Variants in PTPRG observed in about 807,000 individuals in gnomAD.
The protein encoded by PTPRG is protein tyrosine phosphatase receptor type G.
In PTPRG, 102 loss-of-function variants were observed where a neutral mutation model predicts 165.3. The ratio of observed to expected loss-of-function variants is 0.62; its 90% CI spans 0.53 to 0.73. PTPRG has a LOEUF of 0.73. Among genes scored for constraint, PTPRG ranks in the 30% least tolerant of loss-of-function variants. The pLI, the probability that PTPRG is intolerant of heterozygous loss-of-function variation, is 0.00. For synonymous variants in PTPRG, 675 were observed against 669.5 expected (o/e 1.01, Z -0.13); for missense variants, 1,866 against 1,861.4 (o/e 1.00, Z -0.05).
At chr3:61,695,589 T>C (rs1242376670) in intron 1 of PTPRG, among the ~76,000 whole-genome samples, 1 of 152,236 alleles carries the variant, frequency 6.6e-6, no homozygotes, top group Non-Finnish European at 1.5e-5. Flanking sequence ...CTCGGCATTT[T>C]AGGAATTAAT....
At chr3:62,204,026 G>T (rs1559646868) in intron 12 of PTPRG, 76 bp downstream of exon 12, 6 of 1,495,678 alleles carry the variant, frequency 4.0e-6, no homozygotes, top group Non-Finnish European at 5.3e-6. Flanking sequence ...ATTGGGAGCA[G>T]AAGGTGAAGC....
intron 2 of PTPRG, among the ~76,000 whole-genome samples, chr3:61,967,948 G>A (rs1474019121): frequency 6.6e-6 from 1 of 152,174 alleles, no homozygotes; most frequent in African/African-American, 2.4e-5. Context: ...ATAATAGTAT[G>A]TGAGTAAGTT....
intron 4 of PTPRG, among the ~76,000 whole-genome samples, chr3:62,009,348 G>T (rs1218583656): frequency 1.3e-5 from 2 of 152,080 alleles, no homozygotes; most frequent in Non-Finnish European, 1.5e-5. Context: ...GCATTCTTAG[G>T]CAAAGTTCAG....
chr3:61,774,980 C>A (rs1444799200), intron 2 of PTPRG, among the ~76,000 whole-genome samples: 1 of 152,180 alleles, frequency 6.6e-6, no homozygotes, highest in African/African-American at 2.4e-5. Flanking sequence ...TTCCATACTT[C>A]TGAATTCCCA....
chr3:62,031,120 G>A (rs568700862), intron 4 of PTPRG, among the ~76,000 whole-genome samples: 3 of 152,264 alleles, frequency 2.0e-5, no homozygotes, highest in African/African-American at 4.8e-5. Context: ...GAACAAATAC[G>A]TAATCAACAA....
chr3:61,786,867 C>T (rs1364794857), intron 2 of PTPRG, among the ~76,000 whole-genome samples: 1 of 152,146 alleles, frequency 6.6e-6, no homozygotes, highest in Non-Finnish European at 1.5e-5. Flanking sequence ...AAGCCTTACG[C>T]ACCATAACTG....
chr3:62,078,724 C>T (rs569743327), intron 5 of PTPRG, among the ~76,000 whole-genome samples: 40 of 152,254 alleles, frequency 2.6e-4, no homozygotes, highest in South Asian at 1.9e-3. Context: ...TTGCAACTAT[C>T]TCTGTGTTGG....
Position 61,679,762 on chromosome 3 carries a change from C to T in PTPRG, c.86-69116C>T, listed in dbSNP as rs148009560. On this transcript the variant is annotated intron_variant, in intron 1 of 29. Transcript: ENST00000474889. ...TGCCGTTGCACTGCAGCCTGGGCGACGAGCGAAACTCTGTCTCAAAAAACC... is the reference window on the plus strand; with the variant it reads ...TGCCGTTGCACTGCAGCCTGGGCGATGAGCGAAACTCTGTCTCAAAAAACC... 3.4e-4 allele frequency among the ~76,000 whole-genome samples: 51 copies of T among 152,028 alleles called. No individual in the cohort carries two copies. The East Asian group carries it at 8.9e-3, about 27-fold the overall frequency.
intron 5 of PTPRG, among the ~76,000 whole-genome samples, chr3:62,083,242 G>T (rs1311604324): frequency 6.6e-6 from 1 of 150,836 alleles, no homozygotes; most frequent in Non-Finnish European, 1.5e-5. Context: ...AATAGTAATC[G>T]CGGTTTTTGC....
chr3:61,777,787 C>T (rs953320772), intron 2 of PTPRG, among the ~76,000 whole-genome samples: 1 of 152,136 alleles, frequency 6.6e-6, no homozygotes, highest in South Asian at 2.1e-4. Context: ...TTCTAGATAA[C>T]GTGAAACATG....
chr3:61,745,195 C>T (rs574895098), intron 1 of PTPRG, among the ~76,000 whole-genome samples: 8 of 151,998 alleles, frequency 5.3e-5, no homozygotes, highest in Middle Eastern at 3.4e-3. Context: ...GGACTGCAGG[C>T]GTGCCACCAT....
intron 2 of PTPRG, among the ~76,000 whole-genome samples, chr3:61,930,914 C>T (rs1347443774): frequency 2.6e-5 from 4 of 152,052 alleles, no homozygotes; most frequent in Non-Finnish European, 5.9e-5. Context: ...ATACAAAATA[C>T]AGAAATTAGC....
At chr3:61,711,330 C>T (rs898452026) in intron 1 of PTPRG, among the ~76,000 whole-genome samples, 8 of 152,160 alleles carry the variant, frequency 5.3e-5, no homozygotes, top group Admixed American at 2.0e-4. Context: ...GGTTCTAGAT[C>T]CTTGAGTTAT....
chr3:61,691,668 T>C (rs1318979852), intron 1 of PTPRG, among the ~76,000 whole-genome samples: 3 of 152,208 alleles, frequency 2.0e-5, no homozygotes, highest in Admixed American at 6.5e-5. Flanking sequence ...ATGAGAAATA[T>C]TTATACACTA....
At chr3:61,676,119 C>T (rs1239619636) in intron 1 of PTPRG, among the ~76,000 whole-genome samples, 2 of 152,070 alleles carry the variant, frequency 1.3e-5, no homozygotes, top group Middle Eastern at 3.2e-3. Flanking sequence ...GCTAGTATTT[C>T]GCCTTAGTTA....
intron 2 of PTPRG, among the ~76,000 whole-genome samples, chr3:61,796,226 G>A (rs1049109425): frequency 1.3e-5 from 2 of 152,146 alleles, no homozygotes; most frequent in Non-Finnish European, 2.9e-5. Context: ...GATGGTAGGT[G>A]GTGTTAATCC....
At position 61,652,162 on chromosome 3, in the gene PTPRG, G is replaced by A. The variant is rs116838133; in HGVS notation, c.85+89790G>A. Among the ~76,000 whole-genome samples the A allele has an allele frequency of 2.9e-3, 444 of 152,182 alleles. 2 individuals carry two copies. Among genetic ancestry groups the A allele is most frequent in the African/African-American group, 0.01 (431 of 41,508 alleles). ...ATCTCTACTAAAAATACAGAAATTA[G>A]CAGGGTATGGTGGTGGATGCCTGTA... is the stretch of plus-strand genomic sequence containing the variant. On this transcript the variant is annotated intron_variant, in intron 1 of 29. Coordinates refer to ENST00000474889, the MANE Select transcript of PTPRG (RefSeq NM_002841.4).
chr3:61,857,869 TG>T (rs1174367878), intron 2 of PTPRG, among the ~76,000 whole-genome samples: 2 of 152,230 alleles, frequency 1.3e-5, no homozygotes, highest in African/African-American at 4.8e-5. Flanking sequence ...TTATGGACAT[TG>T]GGGATAGCTA....
chr3:62,269,564 A>C (rs1701993700), intron 20 of PTPRG, among the ~76,000 whole-genome samples: 1 of 152,192 alleles, frequency 6.6e-6, no homozygotes. Context: ...TCTTGTAAAC[A>C]TCAGATTCTG....
Sources: allele counts gnomAD v4.1 joint callset (sites outside exome capture counted in the v4.1 genomes callset), GRCh38; gene constraint gnomAD v4.1.1; transcripts MANE v1.5; gene names NCBI Gene and HGNC (gene_info 2026-07-23, HGNC 2026-07-21).